Variants in AGBL4 observed in about 807,000 individuals in gnomAD.
The protein encoded by AGBL4 is cytosolic carboxypeptidase 6.
A neutral mutation model predicts 66.4 loss-of-function variants in AGBL4; 58 were observed. The ratio of observed to expected loss-of-function variants is 0.87; its 90% CI spans 0.71 to 1.09. AGBL4 has a LOEUF of 1.09. Among genes scored for constraint, AGBL4 ranks in the 50% least tolerant of loss-of-function variants. AGBL4 has a pLI of 0.00. For synonymous variants in AGBL4, 234 were observed against 222.9 expected, an observed-to-expected ratio of 1.05 and a Z score of -0.44; for missense variants, 579 against 631.0, an observed-to-expected ratio of 0.92 and a Z score of 0.88.
chr1:49,519,913 A>T (rs1246144566), intron 3 of AGBL4, among the ~76,000 whole-genome samples: 1 of 152,042 alleles, frequency 6.6e-6, no homozygotes, highest in African/African-American at 2.4e-5. Flanking sequence ...GTTCTTGCTG[A>T]TTTTTTAATG....
At chr1:49,467,474 T>C (rs771258169) in intron 3 of AGBL4, among the ~76,000 whole-genome samples, 2 of 151,696 alleles carry the variant, frequency 1.3e-5, no homozygotes, top group African/African-American at 2.4e-5. Context: ...ATCTGTAAAA[T>C]AGGGGCAGTA....
intron 4 of AGBL4, among the ~76,000 whole-genome samples, chr1:49,115,061 C>G (rs1645488471): frequency 6.6e-6 from 1 of 151,864 alleles, no homozygotes; most frequent in Non-Finnish European, 1.5e-5. Flanking sequence ...GAAACAAAAA[C>G]AAAAATAAAA....
chr1:49,642,022 C>T (rs1303758567), intron 3 of AGBL4, among the ~76,000 whole-genome samples: 6 of 150,336 alleles, frequency 4.0e-5, no homozygotes, highest in Non-Finnish European at 8.9e-5. Context: ...TATTTACATG[C>T]TTTCAGGTAA....
intron 4 of AGBL4, among the ~76,000 whole-genome samples, chr1:49,205,009 A>G (rs1213582473): frequency 3.3e-5 from 5 of 152,088 alleles, no homozygotes; most frequent in African/African-American, 1.2e-4. Flanking sequence ...CTTCCTGGGT[A>G]CAACTACTCA....
At chr1:49,407,197 G>C (rs1478694056) in intron 3 of AGBL4, among the ~76,000 whole-genome samples, 1 of 151,156 alleles carries the variant, frequency 6.6e-6, no homozygotes, top group Non-Finnish European at 1.5e-5. Context: ...TAAACTTTAA[G>C]TAAGCAGATT....
intron 5 of AGBL4, among the ~76,000 whole-genome samples, chr1:49,015,915 G>A (rs1662786783): frequency 6.6e-6 from 1 of 151,978 alleles, no homozygotes; most frequent in Non-Finnish European, 1.5e-5. Flanking sequence ...TTTTCAACCA[G>A]ACCTAGGTTT....
intron 6 of AGBL4, among the ~76,000 whole-genome samples, chr1:48,865,474 G>T (rs551089334): frequency 6.6e-6 from 1 of 152,194 alleles, no homozygotes; most frequent in Admixed American, 6.5e-5. Flanking sequence ...CACCTTTTGG[G>T]ATGCCCTGGC....
chr1:48,774,237 AT>A (rs1644969813), intron 6 of AGBL4, among the ~76,000 whole-genome samples: 1 of 152,216 alleles, frequency 6.6e-6, no homozygotes, highest in Non-Finnish European at 1.5e-5. Context: ...ACCTGGTGCC[AT>A]AGCACAGTGG....
At chr1:48,862,509 G>T (rs1647577145) in intron 6 of AGBL4, among the ~76,000 whole-genome samples, 2 of 151,992 alleles carry the variant, frequency 1.3e-5, no homozygotes, top group African/African-American at 2.4e-5. Flanking sequence ...TTTTAGTAGA[G>T]ACAGGGCTTC....
chr1:49,355,302 A>G (rs1482519348), intron 3 of AGBL4, among the ~76,000 whole-genome samples: 2 of 152,196 alleles, frequency 1.3e-5, no homozygotes, highest in Non-Finnish European at 2.9e-5. Flanking sequence ...TAGCAAATGG[A>G]AACATCATTT....
Position 49,119,738 on chromosome 1 carries a change from A to C in AGBL4, c.378-73938T>G, listed in dbSNP as rs548335349. On this transcript the variant is annotated intron_variant, in intron 4 of 13. Transcript: ENST00000371839. The stretch of plus-strand genomic sequence containing the variant: ...TCCACTTGGTCCAGAGCTGAGTCCA[A>C]GTCCTGGATATCTTTGTTACCCTGC... Among the ~76,000 whole-genome samples the C allele has an allele frequency of 1.3e-4, 20 of 152,276 alleles. No homozygotes were observed. The South Asian group carries it at 3.9e-3, about 30-fold the overall frequency.
chr1:49,497,801 T>C (rs1591726), intron 3 of AGBL4, among the ~76,000 whole-genome samples: 103,441 of 151,846 alleles, frequency 0.68, 36,068 homozygotes, highest in African/African-American at 0.77. Context: ...TTTAAAATCA[T>C]GTAGTGTGAT....
intron 3 of AGBL4, among the ~76,000 whole-genome samples, chr1:49,568,690 C>T (rs887306760): frequency 5.9e-5 from 9 of 152,048 alleles, no homozygotes; most frequent in African/African-American, 9.7e-5. Flanking sequence ...AAAAAAGAGT[C>T]CAATAGCCAA....
At chr1:48,764,092 A>C (rs1469985741) in intron 6 of AGBL4, among the ~76,000 whole-genome samples, 2 of 152,222 alleles carry the variant, frequency 1.3e-5, no homozygotes, top group African/African-American at 4.8e-5. Flanking sequence ...TACAAGATAA[A>C]AACACAAGAA....
At chr1:49,485,225 A>G (rs931458506) in intron 3 of AGBL4, among the ~76,000 whole-genome samples, 6 of 151,992 alleles carry the variant, frequency 3.9e-5, no homozygotes. Context: ...CAACAATGAT[A>G]GACTGGATTA....
chr1:48,965,307 G>A (rs757221700), intron 5 of AGBL4, among the ~76,000 whole-genome samples: 2 of 152,132 alleles, frequency 1.3e-5, no homozygotes, highest in South Asian at 2.1e-4. Context: ...AACAGAGGAG[G>A]CTTCATAAAG....
intron 7 of AGBL4, 79 bp from the exon 8 acceptor site, chr1:48,653,530 A>G: frequency 3.5e-6 from 4 of 1,130,280 alleles, no homozygotes; most frequent in Non-Finnish European, 5.2e-6. Context: ...CTTGGAAAAC[A>G]AGAAGAGCTC....
intron 2 of AGBL4, among the ~76,000 whole-genome samples, chr1:49,840,523 G>C (rs1645964708): frequency 6.6e-6 from 1 of 152,080 alleles, no homozygotes; most frequent in Admixed American, 6.5e-5. Flanking sequence ...ATTCTATGAA[G>C]CCACTCTCAG....
intron 4 of AGBL4, among the ~76,000 whole-genome samples, chr1:49,055,108 T>C (rs1644286424): frequency 6.6e-6 from 1 of 152,046 alleles, no homozygotes; most frequent in Non-Finnish European, 1.5e-5. Context: ...GATTTTACCT[T>C]GGGATAACAG....
Sources: allele counts gnomAD v4.1 joint callset (sites outside exome capture counted in the v4.1 genomes callset), GRCh38; gene constraint gnomAD v4.1.1; transcripts MANE v1.5; gene names NCBI Gene and HGNC (gene_info 2026-07-23, HGNC 2026-07-21).